The following VWA8 variants were observed in gnomAD, a reference collection of about 807,000 sequenced individuals.
VWA8 encodes the protein von Willebrand factor A domain containing 8, also known as von Willebrand factor A domain-containing protein 8.
Under a neutral mutation model 241.5 loss-of-function variants are expected in VWA8, and 221 were observed. That is an observed-to-expected ratio of 0.91 (90% confidence interval 0.82 to 1.02). The LOEUF is 1.02. Among genes scored for constraint, VWA8 ranks in the 50% least tolerant of loss-of-function variants. VWA8 has a pLI of 0.00. For missense variants in VWA8, 2,322 were observed against 2,328.7 expected (o/e 1.00, Z 0.06); for synonymous variants, 852 against 827.1 (o/e 1.03, Z -0.52).
intron 16 of VWA8, among the ~76,000 whole-genome samples, chr13:41,812,783 A>G (rs1052966578): frequency 6.6e-6 from 1 of 152,120 alleles, no homozygotes; most frequent in Non-Finnish European, 1.5e-5. Flanking sequence ...AACACATTCT[A>G]AGTTTCAAAG....
chr13:41,936,420 TTAAG>T (rs1172861771), intron 2 of VWA8, among the ~76,000 whole-genome samples: 5 of 152,210 alleles, frequency 3.3e-5, no homozygotes, highest in Admixed American at 3.3e-4. Flanking sequence ...TACTTGTATA[TTAAG>T]TGAGTTATTT....
chr13:41,960,536 G>T (rs1212450442), intron 1 of VWA8, among the ~76,000 whole-genome samples: 1 of 152,204 alleles, frequency 6.6e-6, no homozygotes, highest in Admixed American at 6.5e-5. Flanking sequence ...ACCTCTACGA[G>T]TATTATAACC....
Position 41,605,203 on chromosome 13 carries a change from C to A in VWA8, c.4951G>T (p.Val1651Leu). The change falls in exon 40 of 45, where the codon GTG becomes TTG. Residue 1651 changes from valine to leucine, a missense_variant. Coordinates refer to ENST00000379310, the MANE Select transcript of VWA8 (RefSeq NM_015058.2). ...TCCAGGATGATTCGGAGGGAGTGCA[C>A]CTGTCGCCGAACAGCACCTGAAAAC... ...ERFSGAVRRQ[V>L]HSLRIILDNL... The A allele has an allele frequency of 6.2e-7, 1 of 1,613,174 alleles. No homozygotes were observed. The highest frequency in any genetic ancestry group is 8.5e-7 in the Non-Finnish European group (1 of 1,179,374).
chr13:41,645,396 T>C (rs565277870), intron 37 of VWA8, among the ~76,000 whole-genome samples: 23 of 152,248 alleles, frequency 1.5e-4, no homozygotes, highest in Non-Finnish European at 2.8e-4. Context: ...TTCTACACTC[T>C]GTCCAATTCT....
chr13:41,915,368 C>T (rs546282087), intron 2 of VWA8, among the ~76,000 whole-genome samples: 2 of 152,194 alleles, frequency 1.3e-5, no homozygotes, highest in South Asian at 4.1e-4. Context: ...CATACTGCTA[C>T]CATTCTAGGC....
intron 1 of VWA8, among the ~76,000 whole-genome samples, chr13:41,955,293 T>C (rs9566889): frequency 0.095 from 14,390 of 152,168 alleles, 864 homozygotes; most frequent in African/African-American, 0.17. Flanking sequence ...GTGGGTTTAC[T>C]TGAACTAGAC....
intron 26 of VWA8, among the ~76,000 whole-genome samples, chr13:41,705,203 T>A (rs112642157): frequency 6.6e-6 from 1 of 151,736 alleles, no homozygotes; most frequent in Non-Finnish European, 1.5e-5. Flanking sequence ...GAATCTATCA[T>A]CTAAAATATA....
At chr13:41,863,979 A>C (rs1873166211) in intron 12 of VWA8, among the ~76,000 whole-genome samples, 1 of 152,152 alleles carries the variant, frequency 6.6e-6, no homozygotes, top group African/African-American at 2.4e-5. Flanking sequence ...AAAAATAAAT[A>C]AGACAGACAT....
At chr13:41,911,300 G>A (rs532012127) in intron 3 of VWA8, among the ~76,000 whole-genome samples, 1 of 152,198 alleles carries the variant, frequency 6.6e-6, no homozygotes, top group Non-Finnish European at 1.5e-5. Context: ...CTGACCTCAG[G>A]TGATCCACCC....
chr13:41,570,892 C>T (rs1439287608), intron 43 of VWA8, among the ~76,000 whole-genome samples, 186 bp from the exon 44 acceptor site: 35 of 152,258 alleles, frequency 2.3e-4, no homozygotes, highest in East Asian at 5.8e-4. Flanking sequence ...TATTTGTTAT[C>T]TGGCATAGAA....
intron 37 of VWA8, among the ~76,000 whole-genome samples, chr13:41,659,504 G>T (rs2044934047): frequency 6.6e-6 from 1 of 152,138 alleles, no homozygotes; most frequent in South Asian, 2.1e-4. Flanking sequence ...CCATTTTAGG[G>T]ATTATTCTTC....
intron 21 of VWA8, among the ~76,000 whole-genome samples, chr13:41,748,509 C>T (rs1195793108): frequency 6.6e-6 from 1 of 152,030 alleles, no homozygotes; most frequent in African/African-American, 2.4e-5. Flanking sequence ...ATTAGTCTTG[C>T]TAGCGGTCTA....
At chr13:41,594,403 T>C (rs957252137) in intron 40 of VWA8, among the ~76,000 whole-genome samples, 4 of 152,162 alleles carry the variant, frequency 2.6e-5, no homozygotes, top group Non-Finnish European at 5.9e-5. Flanking sequence ...GTGCTGGGAC[T>C]ATGGGTGTGA....
chr13:41,833,431 T>C lies in VWA8; in HGVS notation c.1526A>G (p.Lys509Arg), dbSNP rs199993820. The change falls in exon 13 of 45, where the codon AAG (lysine) becomes AGG (arginine). Residue 509 changes from lysine to arginine, a missense_variant. Lys to Arg is a conservative substitution (Grantham distance 26, BLOSUM62 2). Coordinates refer to ENST00000379310, the MANE Select transcript of VWA8 (RefSeq NM_015058.2). ...SPLVNAALEG[K>R]LVLLDGIHRV... ...GTGAATGCCATCCAGCAGGACCAGCTTGCCTTCCAGAGCAGCATTCACAAG... is the reference window on the plus strand; with the variant it reads ...GTGAATGCCATCCAGCAGGACCAGCCTGCCTTCCAGAGCAGCATTCACAAG... 94 of 1,614,030 alleles carry C rather than the reference T, an allele frequency of 5.8e-5. No homozygotes were observed. The East Asian group carries it at 2.0e-3, about 34-fold the overall frequency.
At chr13:41,612,287 C>T (rs909382398) in intron 38 of VWA8, among the ~76,000 whole-genome samples, 6 of 152,154 alleles carry the variant, frequency 3.9e-5, no homozygotes, top group African/African-American at 1.4e-4. Flanking sequence ...TTCAGGACCT[C>T]GTATCACTGG....
chr13:41,774,313 T>C (rs11616883), intron 20 of VWA8, among the ~76,000 whole-genome samples: 23,383 of 152,080 alleles, frequency 0.15, 1,887 homozygotes, highest in East Asian at 0.19. Flanking sequence ...CTAATTTTTG[T>C]ATTTTTTAAA....
At chr13:41,870,781 A>G (rs1488132681) in intron 9 of VWA8, among the ~76,000 whole-genome samples, 1 of 152,194 alleles carries the variant, frequency 6.6e-6, no homozygotes, top group Non-Finnish European at 1.5e-5. Context: ...GAGGACACAT[A>G]TTCCAGAAAT....
intron 2 of VWA8, among the ~76,000 whole-genome samples, chr13:41,931,669 C>G (rs9566881): frequency 0.061 from 9,257 of 151,256 alleles, 355 homozygotes; most frequent in East Asian, 0.12. Context: ...ATATATATCT[C>G]ATAACATCAT....
intron 27 of VWA8, 45 bp downstream of exon 27, chr13:41,703,258 T>C: frequency 1.3e-6 from 2 of 1,519,378 alleles, no homozygotes; most frequent in South Asian, 1.1e-5. Context: ...TACAGCAAAA[T>C]TTATAAGGTT....
Sources: allele counts gnomAD v4.1 joint callset (sites outside exome capture counted in the v4.1 genomes callset), GRCh38; gene constraint gnomAD v4.1.1; transcripts MANE v1.5; gene names NCBI Gene and HGNC (gene_info 2026-07-23, HGNC 2026-07-21).